The following ANKIB1 variants were observed in gnomAD, a reference collection of about 807,000 sequenced individuals.
ANKIB1 encodes ankyrin repeat and IBR domain containing 1.
ANKIB1 carries 43 observed loss-of-function variants against 122.1 expected under a neutral mutation model. The observed-to-expected ratio is 0.35, with a 90% CI of 0.28 to 0.45. The LOEUF is 0.45. Among genes scored for constraint, ANKIB1 ranks in the 20% least tolerant of loss-of-function variants. ANKIB1 has a pLI of 1.00. For missense variants in ANKIB1, 992 were observed against 1,329.5 expected, an observed-to-expected ratio of 0.75 and a Z score of 3.95; for synonymous variants, 390 against 442.0, an observed-to-expected ratio of 0.88 and a Z score of 1.48.
intron 1 of ANKIB1, among the ~76,000 whole-genome samples, chr7:92,287,926 C>A (rs1270242988): frequency 6.6e-6 from 1 of 150,918 alleles, no homozygotes; most frequent in Non-Finnish European, 1.5e-5. Context: ...GTCCCAGCTA[C>A]TTGGGAGGCT....
At chr7:92,339,519 A>G (rs553204398) in intron 5 of ANKIB1, among the ~76,000 whole-genome samples, 8 of 152,284 alleles carry the variant, frequency 5.3e-5, no homozygotes, top group African/African-American at 1.9e-4. Flanking sequence ...CTTCAGTTAG[A>G]TTTAAATAAT....
rs192472394 is a variant in ANKIB1 at position 92,355,707 on chromosome 7, G to A, written c.1397+3065G>A. The stretch of plus-strand genomic sequence containing the variant: ...TACTAAAAATACAAAAAATTAGCCA[G>A]GCGTGGTGGCATGCTCCTGTAGTTC... On this transcript the variant is annotated intron_variant, in intron 9 of 19. Coordinates refer to ENST00000265742, the MANE Select transcript of ANKIB1 (RefSeq NM_019004.2). Among the ~76,000 whole-genome samples, 271 of 152,026 alleles carry A rather than the reference G, an allele frequency of 1.8e-3. 1 individual carries two copies. Among genetic ancestry groups the A allele is most frequent in the African/African-American group, 6.1e-3 (253 of 41,468 alleles).
At chr7:92,254,116 A>T (rs1269378951) in intron 1 of ANKIB1, among the ~76,000 whole-genome samples, 1 of 152,184 alleles carries the variant, frequency 6.6e-6, no homozygotes, top group Non-Finnish European at 1.5e-5. Flanking sequence ...CAACCGGCAG[A>T]TATGAAAGTG....
intron 5 of ANKIB1, among the ~76,000 whole-genome samples, chr7:92,341,380 A>G (rs1020424981): frequency 1.3e-5 from 2 of 152,034 alleles, no homozygotes; most frequent in Admixed American, 6.6e-5. Flanking sequence ...TAAAAACACA[A>G]TGGGCCTTAG....
chr7:92,296,958 C>T (rs903372775), intron 2 of ANKIB1, among the ~76,000 whole-genome samples: 4 of 152,220 alleles, frequency 2.6e-5, no homozygotes, highest in African/African-American at 9.6e-5. Context: ...TTAGAAGCCA[C>T]CTCCAGCTTA....
intron 1 of ANKIB1, among the ~76,000 whole-genome samples, chr7:92,267,420 G>C (rs1324488210): frequency 2.6e-5 from 4 of 152,110 alleles, no homozygotes; most frequent in Non-Finnish European, 4.4e-5. Context: ...CTATTATCAT[G>C]ACTTCAGCAA....
chr7:92,379,255 G>A (rs1259785633), intron 11 of ANKIB1, among the ~76,000 whole-genome samples: 1 of 152,180 alleles, frequency 6.6e-6, no homozygotes, highest in Non-Finnish European at 1.5e-5. Context: ...AGCTGGGCAT[G>A]GTGGCGGGTG....
At chr7:92,386,214 A>G (rs1804643233) in intron 11 of ANKIB1, among the ~76,000 whole-genome samples, 1 of 152,190 alleles carries the variant, frequency 6.6e-6, no homozygotes, top group Non-Finnish European at 1.5e-5. Context: ...TAAAAATGAA[A>G]CACTTTCCAA....
rs1457485922 is a variant in ANKIB1 at position 92,295,171 on chromosome 7, G to A, written c.188+5G>A. 2 of 1,528,054 alleles carry A rather than the reference G, an allele frequency of 1.3e-6. No homozygotes were observed. Among genetic ancestry groups the A allele is most frequent in the Non-Finnish European group, 1.8e-6 (2 of 1,133,712 alleles). 94.7% of individuals were successfully genotyped at this position (1,528,054 alleles called of 1,614,324 possible). A position where few individuals can be genotyped will look rare whatever the true frequency, so the allele number is the denominator to read the frequency against. On this transcript the variant is annotated splice_donor_5th_base_variant and intron_variant, in intron 2 of 19. Transcript: ENST00000265742. ...TGGAATGAATAAAATATTAGGGTAA[G>A]TATTACTATAAACTAATTGGTATTA...
chr7:92,397,962 T>C, intron 19 of ANKIB1, 103 bp downstream of exon 19: 1 of 1,434,200 alleles, frequency 7.0e-7, no homozygotes, highest in Non-Finnish European at 9.3e-7. Context: ...TTCCTTCCAT[T>C]CTAAAATCTT....
intron 17 of ANKIB1, among the ~76,000 whole-genome samples, chr7:92,394,807 G>A (rs1367458405): frequency 6.6e-6 from 1 of 152,048 alleles, no homozygotes. Flanking sequence ...CAGGGCACTT[G>A]GAGTATCTTT....
chr7:92,392,210 A>C (rs764161699), intron 16 of ANKIB1, 31 bp from the exon 17 acceptor site: 1 of 1,593,366 alleles, frequency 6.3e-7, no homozygotes, highest in East Asian at 2.2e-5. Flanking sequence ...TATTGATATT[A>C]AATCAAATGG....
chr7:92,344,395 G>A (rs550266617), intron 6 of ANKIB1, among the ~76,000 whole-genome samples: 1 of 151,884 alleles, frequency 6.6e-6, no homozygotes, highest in African/African-American at 2.4e-5. Flanking sequence ...GGTAGAGACA[G>A]GGTTTCACCA....
At chr7:92,375,472 T>C (rs187368476) in intron 11 of ANKIB1, among the ~76,000 whole-genome samples, 1 of 152,352 alleles carries the variant, frequency 6.6e-6, no homozygotes, top group East Asian at 1.9e-4. Context: ...CAGGAGCCTA[T>C]TCTGTCTCAA....
At chr7:92,254,942 C>T (rs190346229) in intron 1 of ANKIB1, among the ~76,000 whole-genome samples, 79 of 152,232 alleles carry the variant, frequency 5.2e-4, no homozygotes, top group Middle Eastern at 3.4e-3. Flanking sequence ...AGGTCTTTCC[C>T]GTGCTGTTCT....
intron 1 of ANKIB1, among the ~76,000 whole-genome samples, chr7:92,281,599 A>G (rs1349641422): frequency 6.6e-6 from 1 of 152,248 alleles, no homozygotes; most frequent in East Asian, 1.9e-4. Flanking sequence ...TGGAGAAAAA[A>G]GGAGAGTTCC....
At chr7:92,357,730 C>T (rs1246039117) in intron 9 of ANKIB1, among the ~76,000 whole-genome samples, 1 of 132,796 alleles carries the variant, frequency 7.5e-6, no homozygotes, top group Non-Finnish European at 1.6e-5. Flanking sequence ...GCAAGACTCT[C>T]TCAAAAAAAA....
At chr7:92,297,603 A>G (rs1398502686) in intron 2 of ANKIB1, among the ~76,000 whole-genome samples, 1 of 151,930 alleles carries the variant, frequency 6.6e-6, no homozygotes, top group East Asian at 1.9e-4. Flanking sequence ...CTTTTGCCCT[A>G]AACTTATTTC....
At chr7:92,393,000 TTC>T (rs1357020675) in intron 17 of ANKIB1, among the ~76,000 whole-genome samples, 1 of 152,078 alleles carries the variant, frequency 6.6e-6, no homozygotes, top group Non-Finnish European at 1.5e-5. Context: ...TTCTCTCTAC[TTC>T]TCTCTTTCCA....
Sources: allele counts gnomAD v4.1 joint callset (sites outside exome capture counted in the v4.1 genomes callset), GRCh38; gene constraint gnomAD v4.1.1; transcripts MANE v1.5; gene names NCBI Gene and HGNC (gene_info 2026-07-23, HGNC 2026-07-21).